Variants in RAD54L observed in about 807,000 individuals in gnomAD.
RAD54L encodes RAD54 like, also known as DNA repair and recombination protein RAD54-like.
RAD54L carries 74 observed loss-of-function variants against 91.6 expected under a neutral mutation model. That is an observed-to-expected ratio of 0.81 (90% CI 0.67 to 0.98). The LOEUF is 0.98. RAD54L is among the 50% of genes least tolerant of loss of function. The probability of loss-of-function intolerance (pLI) is 0.00; values close to 1 mark genes in which losing one functional copy is unlikely to be tolerated. For synonymous variants in RAD54L, 304 were observed against 349.7 expected, an observed-to-expected ratio of 0.87 and a Z score of 1.46; for missense variants, 887 against 945.7, an observed-to-expected ratio of 0.94 and a Z score of 0.81.
chr1:46,268,299 CAG>C (rs946394374), intron 9 of RAD54L, among the ~76,000 whole-genome samples: 1 of 152,100 alleles, frequency 6.6e-6, no homozygotes, highest in African/African-American at 2.4e-5. Context: ...GCCTGGGCAA[CAG>C]AGCAAGGCCC....
chr1:46,261,526 C>T, intron 8 of RAD54L, 141 bp downstream of exon 8: 1 of 1,023,060 alleles, frequency 9.8e-7, no homozygotes, highest in Non-Finnish European at 1.5e-6. Flanking sequence ...ACAGGGAGAG[C>T]CTGTGATACC....
rs1660690008 is a variant in RAD54L at position 46,278,434 on chromosome 1, C to CT, written c.*158dup. Reference sequence around the variant, plus strand: ...CCCAAAATTTATTTTATAAGAAAAACTTTTTTGGTTAAAAAAAAGAATAAA... The same window carrying CT: ...CCCAAAATTTATTTTATAAGAAAAACTTTTTTTGGTTAAAAAAAAGAATAAA... On this transcript the variant is annotated 3_prime_UTR_variant, in exon 18 of 18. Coordinates refer to ENST00000371975, the MANE Select transcript of RAD54L (RefSeq NM_003579.4). The CT allele has an allele frequency of 3.2e-6, 3 of 939,528 alleles. No individual in the cohort carries two copies. Among genetic ancestry groups the CT allele is most frequent in the Non-Finnish European group, 4.9e-6 (3 of 614,380 alleles). 58.2% of individuals were successfully genotyped at this position (939,528 alleles called of 1,614,324 possible).
chr1:46,250,904 G>A (rs772077169), intron 3 of RAD54L, among the ~76,000 whole-genome samples: 1 of 151,690 alleles, frequency 6.6e-6, no homozygotes, highest in Non-Finnish European at 1.5e-5. Context: ...CCGGGAGGCC[G>A]AGGTTGCAGT....
chr1:46,260,651 T>G (rs560200195), intron 6 of RAD54L, 40 bp downstream of exon 6: 2 of 1,613,796 alleles, frequency 1.2e-6, no homozygotes, highest in Non-Finnish European at 1.7e-6. Context: ...GGCTATGGGC[T>G]GAGCCTGGGA....
At chr1:46,262,748 A>G (rs904114494) in intron 8 of RAD54L, among the ~76,000 whole-genome samples, 3 of 152,068 alleles carry the variant, frequency 2.0e-5, no homozygotes, top group African/African-American at 7.2e-5. Context: ...CTGTTTAGGA[A>G]CAAAAGGAAA....
Position 46,272,755 on chromosome 1 carries a change from G to C in RAD54L, c.1328G>C (p.Ser443Thr), listed in dbSNP as rs1477132296. 6.2e-7 allele frequency: 1 copy of C among 1,614,188 alleles called. No homozygotes were observed. The highest frequency in any genetic ancestry group is 1.1e-5 in the South Asian group (1 of 91,088). ...PAEELLEGKM[S>T]VSSLSSITSL... The stretch of plus-strand genomic sequence containing the variant: ...GAAGAATTGCTTGAGGGCAAGATGA[G>C]TGTGTCTTCCCTTTCTTCCATCACC... Residue 443 changes from serine to threonine, a missense_variant, in exon 12 of 18, where the codon AGT (serine) becomes ACT (threonine). Physicochemically the swap from Ser to Thr is moderately conservative, Grantham distance 58 (BLOSUM62 1). Coordinates refer to ENST00000371975, the MANE Select transcript of RAD54L (RefSeq NM_003579.4).
intron 3 of RAD54L, among the ~76,000 whole-genome samples, chr1:46,252,019 G>C (rs994101856): frequency 6.6e-6 from 1 of 152,210 alleles, no homozygotes; most frequent in Non-Finnish European, 1.5e-5. Context: ...GCAGTTGTGG[G>C]AGTGCACAAC....
intron 7 of RAD54L, 50 bp from the exon 8 acceptor site, chr1:46,261,211 T>TG (rs1660111748): frequency 2.5e-6 from 4 of 1,607,114 alleles, no homozygotes; most frequent in Non-Finnish European, 2.5e-6. Flanking sequence ...TTTGTTTTTT[T>TG]TTTTTTCAAA....
At chr1:46,254,583 CTTTTTT>C (rs768862202) in intron 3 of RAD54L, among the ~76,000 whole-genome samples, 1 of 130,188 alleles carries the variant, frequency 7.7e-6, no homozygotes. Context: ...GGAGCACTGA[CTTTTTT>C]TTTTTTTTTT....
intron 3 of RAD54L, among the ~76,000 whole-genome samples, chr1:46,253,454 A>G (rs967051448): frequency 1.3e-5 from 2 of 152,130 alleles, no homozygotes; most frequent in African/African-American, 4.8e-5. Flanking sequence ...CTCCATCTCT[A>G]GTAAAAAGTA....
chr1:46,261,436 C>A, intron 8 of RAD54L, 51 bp downstream of exon 8: 1 of 1,608,372 alleles, frequency 6.2e-7, no homozygotes, highest in Non-Finnish European at 8.5e-7. Flanking sequence ...GTCAAAATCT[C>A]TTCACTGAGT....
chr1:46,272,025 C>CTTTTTTTTTTTTTTT lies in RAD54L; in HGVS notation c.1170-421_1170-407dup, dbSNP rs1162693010. On this transcript the variant is annotated intron_variant, in intron 10 of 17. Transcript: ENST00000371975. ...GATGTGTTTGACATAGGTCTGATGA[C>CTTTTTTTTTTTTTTT]TTTTTTTTTTTTTTTTTTTTTTTTT... Among the ~76,000 whole-genome samples, 66 of 41,166 alleles carry CTTTTTTTTTTTTTTT rather than the reference C, an allele frequency of 1.6e-3. 18 individuals are homozygous for CTTTTTTTTTTTTTTT. The highest frequency in any genetic ancestry group is 4.4e-3 in the African/African-American group (33 of 7,536). The allele number at this position is 41,166 out of a possible 152,430, so 27.0% of individuals were successfully genotyped here.
intron 9 of RAD54L, among the ~76,000 whole-genome samples, chr1:46,270,402 AG>A (rs1660388857): frequency 6.6e-6 from 1 of 151,414 alleles, no homozygotes. Context: ...TTGTCTTTTT[AG>A]TGGACTATTC....
In RAD54L at chr1:46,273,373, A is replaced by G. The variant is rs773482398; in HGVS notation, c.1394A>G (p.Asp465Gly). The stretch of plus-strand genomic sequence containing the variant: ...CTCCCAGATCCAGCTCTAATCTATG[A>G]TAAGTGTGTGGAAGAGGAGGATGGC... ...KLCNHPALIY[D>G]KCVEEEDGFV... is the part of the protein sequence containing the mutation. Residue 465 changes from aspartate (D) to glycine (G), a missense_variant, in exon 13 of 18, where the codon GAT becomes GGT. Asp to Gly is a moderately conservative substitution (Grantham distance 94). Transcript: ENST00000371975. The G allele has an allele frequency of 1.4e-5, 23 of 1,612,968 alleles. No individual in the cohort carries two copies. The highest frequency in any genetic ancestry group is 2.2e-5 in the East Asian group (1 of 44,886).
Position 46,258,729 on chromosome 1 carries a change from C to T in RAD54L, c.254C>T (p.Pro85Leu). Residue 85 changes from proline (P) to leucine (L), a missense_variant, in exon 4 of 18, where the codon CCC (proline) becomes CTC (leucine). By Grantham distance (98) the Pro-to-Leu change is moderately conservative (BLOSUM62 -3). Transcript: ENST00000371975. ...RSILSKPFKV[P>L]IPNYQGPLGS... The stretch of plus-strand genomic sequence containing the variant: ...ATTTTGTCAAAGCCTTTCAAAGTCC[C>T]CATTCCAAATTATCAAGGTAAAATG... 6.2e-7 allele frequency: 1 copy of T among 1,604,762 alleles called. No homozygotes were observed. Among genetic ancestry groups the T allele is most frequent in the South Asian group, 1.1e-5 (1 of 90,896 alleles).
chr1:46,248,346 G>C lies in RAD54L; in HGVS notation c.-60G>C. On this transcript the variant is annotated 5_prime_UTR_variant, in exon 1 of 18. Transcript: ENST00000371975. Reference sequence around the variant, plus strand: ...AGACCCTGGTCCTACACTCTTAGCCGCTGCCTGCTTTTGACCTTTGGCTCA... The same window carrying C: ...AGACCCTGGTCCTACACTCTTAGCCCCTGCCTGCTTTTGACCTTTGGCTCA... 2 of 1,607,468 alleles carry C rather than the reference G, an allele frequency of 1.2e-6. No individual in the cohort carries two copies. Among genetic ancestry groups the C allele is most frequent in the African/African-American group, 2.7e-5 (2 of 74,888 alleles).
At chr1:46,261,471 T>A in intron 8 of RAD54L, 86 bp downstream of exon 8, 3 of 1,531,038 alleles carry the variant, frequency 2.0e-6, no homozygotes, top group Non-Finnish European at 2.7e-6. Flanking sequence ...GCTGTGCTAG[T>A]CACTGGGGAA....
At chr1:46,248,923 C>T (rs996109311) in intron 2 of RAD54L, among the ~76,000 whole-genome samples, 3 of 152,136 alleles carry the variant, frequency 2.0e-5, no homozygotes, top group Middle Eastern at 3.2e-3. Flanking sequence ...TGCTCTTTGT[C>T]CCCTGCCCAG....
At position 46,248,605 on chromosome 1, in the gene RAD54L, A is replaced by G. The variant is rs1465348535; in HGVS notation, c.90+7A>G. 1 of 1,613,386 alleles carries G rather than the reference A, an allele frequency of 6.2e-7. No individual in the cohort carries two copies. The highest frequency in any genetic ancestry group is 1.3e-5 in the African/African-American group (1 of 75,042). ...CTGGCAACCTGGCCTAGTGGTGAGC[A>G]CTCAAGGGGACAGGGAAGGTGGGTA... On this transcript the variant is annotated splice_region_variant and intron_variant, in intron 2 of 17. Coordinates refer to ENST00000371975, the MANE Select transcript of RAD54L (RefSeq NM_003579.4).
Sources: allele counts gnomAD v4.1 joint callset (sites outside exome capture counted in the v4.1 genomes callset), GRCh38; gene constraint gnomAD v4.1.1; transcripts MANE v1.5; gene names NCBI Gene and HGNC (gene_info 2026-07-23, HGNC 2026-07-21).